Variants in PTPRD observed in about 807,000 individuals in gnomAD.
The protein encoded by PTPRD is receptor-type tyrosine-protein phosphatase delta.
Under a neutral mutation model 214.5 loss-of-function variants are expected in PTPRD, and 34 were observed. That is an observed-to-expected ratio of 0.16 (90% CI 0.12 to 0.21). PTPRD has a LOEUF of 0.21. Among genes scored for constraint, PTPRD ranks in the 10% least tolerant of loss-of-function variants. The pLI, the probability that PTPRD is intolerant of heterozygous loss-of-function variation, is 1.00. For synonymous variants in PTPRD, 1,128 were observed against 845.7 expected (o/e 1.33, Z -5.79); for missense variants, 2,545 against 2,398.7 (o/e 1.06, Z -1.27).
intron 8 of PTPRD, among the ~76,000 whole-genome samples, chr9:9,479,349 A>ACG (rs1343436079): frequency 3.5e-5 from 1 of 28,506 alleles, no homozygotes; most frequent in Non-Finnish European, 6.5e-5. Flanking sequence ...AAACTGATGC[A>ACG]CACACACACA....
intron 12 of PTPRD, among the ~76,000 whole-genome samples, chr9:8,639,614 A>G (rs915795507): frequency 6.6e-6 from 1 of 152,206 alleles, no homozygotes; most frequent in African/African-American, 2.4e-5. Context: ...GCATCTGGAT[A>G]TTTTTTAAGG....
At chr9:9,713,557 A>C (rs1168669140) in intron 7 of PTPRD, among the ~76,000 whole-genome samples, 1 of 152,186 alleles carries the variant, frequency 6.6e-6, no homozygotes, top group Non-Finnish European at 1.5e-5. Flanking sequence ...AATATTATCC[A>C]AGACTATGAG....
At chr9:8,425,842 C>G (rs1370975147) in intron 35 of PTPRD, among the ~76,000 whole-genome samples, 1 of 152,136 alleles carries the variant, frequency 6.6e-6, no homozygotes, top group Admixed American at 6.5e-5. Context: ...GGCATTAAAA[C>G]TAGCAGAGAC....
chr9:10,278,124 C>A (rs7024699), intron 3 of PTPRD, among the ~76,000 whole-genome samples: 16,855 of 150,072 alleles, frequency 0.11, 1,035 homozygotes, highest in Non-Finnish European at 0.12. Context: ...CCACTGCACT[C>A]CAGCCTGGGC....
intron 6 of PTPRD, among the ~76,000 whole-genome samples, chr9:9,743,166 T>C (rs1450118635): frequency 6.6e-6 from 1 of 152,172 alleles, no homozygotes; most frequent in Non-Finnish European, 1.5e-5. Flanking sequence ...GTTTATAAAA[T>C]ATGTATGAAT....
chr9:10,492,762 G>T (rs1334354419), intron 2 of PTPRD, among the ~76,000 whole-genome samples: 2 of 151,994 alleles, frequency 1.3e-5, no homozygotes, highest in Non-Finnish European at 2.9e-5. Flanking sequence ...CATTGCTTTT[G>T]GTGTTATTCA....
chr9:9,990,060 C>A (rs1031472209), intron 4 of PTPRD, among the ~76,000 whole-genome samples: 1 of 152,168 alleles, frequency 6.6e-6, no homozygotes, highest in Non-Finnish European at 1.5e-5. Context: ...TCCTTGTCCT[C>A]GGACTTTCCT....
intron 3 of PTPRD, among the ~76,000 whole-genome samples, chr9:10,239,636 A>G (rs2099640572): frequency 6.6e-6 from 1 of 151,954 alleles, no homozygotes; most frequent in Non-Finnish European, 1.5e-5. Flanking sequence ...TGAACGTTTT[A>G]TTATGCATAT....
chr9:10,088,196 T>A (rs559233114), intron 3 of PTPRD, among the ~76,000 whole-genome samples: 1 of 151,922 alleles, frequency 6.6e-6, no homozygotes, highest in South Asian at 2.1e-4. Context: ...GGCTAGATTA[T>A]ATCTTCATGA....
intron 9 of PTPRD, among the ~76,000 whole-genome samples, chr9:9,286,266 C>A (rs1949328798): frequency 6.6e-6 from 1 of 151,754 alleles, no homozygotes; most frequent in Non-Finnish European, 1.5e-5. Context: ...ATAATAGGCT[C>A]CAAAAGGGAT....
intron 10 of PTPRD, among the ~76,000 whole-genome samples, chr9:9,136,407 A>G (rs2099850968): frequency 6.6e-6 from 1 of 152,134 alleles, no homozygotes; most frequent in Non-Finnish European, 1.5e-5. Context: ...TTCTCATTAA[A>G]CAAAATACAA....
chr9:8,427,441 T>A (rs2094756097), intron 35 of PTPRD, among the ~76,000 whole-genome samples: 1 of 152,114 alleles, frequency 6.6e-6, no homozygotes, highest in Admixed American at 6.6e-5. Context: ...TAGAAATTGA[T>A]CCAGACACAC....
intron 11 of PTPRD, among the ~76,000 whole-genome samples, chr9:8,830,276 G>C (rs1303417918): frequency 6.6e-6 from 1 of 152,036 alleles, no homozygotes; most frequent in Non-Finnish European, 1.5e-5. Context: ...TAAGTGTTTT[G>C]TTTTACCCCT....
In PTPRD at chr9:9,494,802, A is replaced by C. The variant is rs561789658; in HGVS notation, c.-237+79930T>G. Among the ~76,000 whole-genome samples, 6 of 152,372 alleles carry C rather than the reference A, an allele frequency of 3.9e-5. No homozygotes were observed. The South Asian group carries it at 8.3e-4, about 21-fold the overall frequency. ...CCCAAATAAGTTTCTTTGCAGAAAT[A>C]GGAAACCCAACCTTAAAATTCATAT... On this transcript the variant is annotated intron_variant, in intron 8 of 45. Coordinates refer to ENST00000381196, the MANE Select transcript of PTPRD (RefSeq NM_002839.4).
At chr9:8,428,871 C>T (rs1208068126) in intron 35 of PTPRD, among the ~76,000 whole-genome samples, 1 of 152,192 alleles carries the variant, frequency 6.6e-6, no homozygotes, top group African/African-American at 2.4e-5. Flanking sequence ...GGTTCTGCGC[C>T]TGTGAATACA....
chr9:9,861,895 G>C (rs893012327), intron 5 of PTPRD, among the ~76,000 whole-genome samples: 6 of 152,076 alleles, frequency 3.9e-5, no homozygotes, highest in African/African-American at 1.4e-4. Context: ...TACCTGTTTT[G>C]ATTATAATAG....
intron 14 of PTPRD, among the ~76,000 whole-genome samples, chr9:8,614,293 T>G (rs776875770): frequency 2.0e-5 from 3 of 152,216 alleles, no homozygotes; most frequent in African/African-American, 4.8e-5. Context: ...ATATTTGAGT[T>G]GCCCAACACA....
chr9:9,837,331 T>A (rs1027084960), intron 5 of PTPRD, among the ~76,000 whole-genome samples: 1 of 152,140 alleles, frequency 6.6e-6, no homozygotes, highest in Non-Finnish European at 1.5e-5. Flanking sequence ...AGTTACAATA[T>A]CTAACACAGG....
intron 3 of PTPRD, among the ~76,000 whole-genome samples, chr9:10,107,376 A>G (rs1051667359): frequency 5.3e-5 from 8 of 152,076 alleles, no homozygotes; most frequent in African/African-American, 1.9e-4. Flanking sequence ...TCTTAGTTAT[A>G]AAGATCATGC....
Sources: gnomAD v4.1 joint callset for allele counts (sites outside exome capture counted in the v4.1 genomes callset) on GRCh38, gnomAD v4.1.1 for gene constraint, MANE v1.5 for transcripts, NCBI Gene and HGNC (gene_info 2026-07-23, HGNC 2026-07-21) for gene names.